Variants in NAV2 observed in about 807,000 individuals in gnomAD.
The protein encoded by NAV2 is helicase, APC down-regulated 1.
In NAV2, 54 loss-of-function variants were observed where a neutral mutation model predicts 223.2. The ratio of observed to expected loss-of-function variants is 0.24; its 90% confidence interval spans 0.19 to 0.30. The LOEUF (loss-of-function observed/expected upper bound fraction) is 0.30. NAV2 is among the 10% of genes least tolerant of loss of function. The pLI is 1.00. For synonymous variants in NAV2, 1,279 were observed against 1,239.3 expected (o/e 1.03, Z -0.67); for missense variants, 2,806 against 3,147.5 (o/e 0.89, Z 2.60).
At chr11:19,621,342 C>G (rs983475036) in intron 1 of NAV2, among the ~76,000 whole-genome samples, 1 of 152,202 alleles carries the variant, frequency 6.6e-6, no homozygotes, top group Non-Finnish European at 1.5e-5. Flanking sequence ...ACCAGCTCCT[C>G]CTTATACCTC....
chr11:19,382,722 A>ATAGAAATGGG, intron 1 of NAV2, among the ~76,000 whole-genome samples: 1 of 152,290 alleles, frequency 6.6e-6, no homozygotes. Context: ...GGTAGAACCC[A>ATAGAAATGGG]TTTCATCCAT....
At chr11:19,703,119 TAATA>T (rs2049557383) in intron 1 of NAV2, among the ~76,000 whole-genome samples, 1 of 148,494 alleles carries the variant, frequency 6.7e-6, no homozygotes, top group Non-Finnish European at 1.5e-5. Context: ...TATATATAAA[TAATA>T]AAGAAAATAA....
At chr11:19,556,832 A>G (rs2044909868) in intron 1 of NAV2, among the ~76,000 whole-genome samples, 1 of 152,232 alleles carries the variant, frequency 6.6e-6, no homozygotes, top group Admixed American at 6.5e-5. Flanking sequence ...ATTTGAAGCC[A>G]AAATTCATAA....
At chr11:19,897,553 A>C (rs1255794519) in intron 6 of NAV2, among the ~76,000 whole-genome samples, 1 of 152,148 alleles carries the variant, frequency 6.6e-6, no homozygotes, top group Non-Finnish European at 1.5e-5. Flanking sequence ...ACATGAAGCT[A>C]AAGAAAAAGT....
At position 19,448,837 on chromosome 11, in the gene NAV2, T is replaced by G. The variant is rs117199252; in HGVS notation, c.75+97810T>G. Among the ~76,000 whole-genome samples, 773 of 152,300 alleles carry G rather than the reference T, an allele frequency of 5.1e-3. 6 individuals carry two copies. The highest frequency in any genetic ancestry group is 7.9e-3 in the Non-Finnish European group (540 of 68,020). On this transcript the variant is annotated intron_variant, in intron 1 of 37. Coordinates refer to the NAV2 transcript ENST00000360655. ...AGTGATTAGTTTGATAAATAAAGACTCTTTGGCAATGAAGTTATGGTCTGT... is the reference window on the plus strand; with the variant it reads ...AGTGATTAGTTTGATAAATAAAGACGCTTTGGCAATGAAGTTATGGTCTGT...
At chr11:19,786,815 C>A (rs138835568) in intron 1 of NAV2, among the ~76,000 whole-genome samples, 1 of 152,162 alleles carries the variant, frequency 6.6e-6, no homozygotes, top group African/African-American at 2.4e-5. Context: ...GACACTTCTA[C>A]AAATTACCCA....
intron 1 of NAV2, among the ~76,000 whole-genome samples, chr11:19,636,300 C>T (rs117881519): frequency 0.012 from 1,832 of 152,236 alleles, 20 homozygotes; most frequent in Non-Finnish European, 0.018. Flanking sequence ...TTCCTTATCC[C>T]TACAAAGCGG....
chr11:20,055,416 T>C (rs1564944890), intron 18 of NAV2, among the ~76,000 whole-genome samples: 1 of 152,190 alleles, frequency 6.6e-6, no homozygotes, highest in Non-Finnish European at 1.5e-5. Flanking sequence ...TCCCATCTGA[T>C]CAAAAGCCTG....
chr11:20,024,393 AGGCCAGTGACCTT>A (rs1163483307), intron 11 of NAV2, among the ~76,000 whole-genome samples: 3 of 152,178 alleles, frequency 2.0e-5, no homozygotes, highest in Non-Finnish European at 4.4e-5. Flanking sequence ...AAATCAGGAA[AGGCCAGTGACCTT>A]GGAGCTGGCC....
At chr11:19,811,138 CT>C (rs1461165725) in intron 1 of NAV2, among the ~76,000 whole-genome samples, 1 of 152,186 alleles carries the variant, frequency 6.6e-6, no homozygotes, top group Non-Finnish European at 1.5e-5. Context: ...TGTCTAGTTG[CT>C]TTCTAAATAT....
At chr11:19,865,535 G>A (rs192150294) in intron 3 of NAV2, among the ~76,000 whole-genome samples, 2 of 152,276 alleles carry the variant, frequency 1.3e-5, no homozygotes, top group African/African-American at 4.8e-5. Context: ...ATGAAAGAGC[G>A]TGGGTCTCGG....
At chr11:19,477,895 C>A (rs770206016) in intron 1 of NAV2, among the ~76,000 whole-genome samples, 3 of 152,140 alleles carry the variant, frequency 2.0e-5, no homozygotes, top group Non-Finnish European at 4.4e-5. Flanking sequence ...AAATTCTATA[C>A]CCTGGGTGGC....
intron 3 of NAV2, among the ~76,000 whole-genome samples, chr11:19,867,732 A>G (rs1201596796): frequency 6.6e-6 from 1 of 152,214 alleles, no homozygotes; most frequent in Non-Finnish European, 1.5e-5. Context: ...TAGAGTGTAT[A>G]TTATGGGTGC....
intron 1 of NAV2, among the ~76,000 whole-genome samples, chr11:19,615,087 T>G (rs1419389796): frequency 5.3e-5 from 8 of 152,112 alleles, no homozygotes; most frequent in Admixed American, 5.2e-4. Flanking sequence ...ACTTTATACC[T>G]ATTGCCTGAG....
At chr11:20,100,834 G>A (rs1444836866) in intron 31 of NAV2, 103 bp from the exon 32 acceptor site, 25 of 924,768 alleles carry the variant, frequency 2.7e-5, no homozygotes, top group Admixed American at 1.2e-4. Context: ...GTGGACTGCC[G>A]AGGAGAGGAA....
chr11:19,769,335 T>G (rs1397964904), intron 1 of NAV2, among the ~76,000 whole-genome samples: 1 of 152,204 alleles, frequency 6.6e-6, no homozygotes, highest in Non-Finnish European at 1.5e-5. Flanking sequence ...CAATGCAATG[T>G]CATGGACCTG....
chr11:19,910,588 G>T (rs2043222766), intron 6 of NAV2, among the ~76,000 whole-genome samples: 1 of 152,218 alleles, frequency 6.6e-6, no homozygotes, highest in South Asian at 2.1e-4. Context: ...GCCAGGCGCG[G>T]TGGCTTATGC....
Position 19,846,288 on chromosome 11 carries a change from G to T in NAV2, c.438+3365G>T, listed in dbSNP as rs115362955. ...ACCAAATTGCCATGAACTGTGTCTGGTGAGGCTCTTCTAGCCTCTGGGCAG... is the reference window on the plus strand; with the variant it reads ...ACCAAATTGCCATGAACTGTGTCTGTTGAGGCTCTTCTAGCCTCTGGGCAG... On this transcript the variant is annotated intron_variant, in intron 3 of 37. Transcript: ENST00000349880. Among the ~76,000 whole-genome samples the T allele has an allele frequency of 7.8e-3, 1,192 of 152,242 alleles. 6 individuals are homozygous for T. The highest frequency in any genetic ancestry group is 0.011 in the Non-Finnish European group (726 of 68,014).
At chr11:19,572,060 A>G (rs886723081) in intron 1 of NAV2, among the ~76,000 whole-genome samples, 3 of 152,202 alleles carry the variant, frequency 2.0e-5, no homozygotes, top group Non-Finnish European at 4.4e-5. Flanking sequence ...GGGCAGGACC[A>G]CAGGACAACA....
Sources: gnomAD v4.1 joint callset for allele counts (sites outside exome capture counted in the v4.1 genomes callset) on GRCh38, gnomAD v4.1.1 for gene constraint, MANE v1.5 for transcripts, NCBI Gene and HGNC (gene_info 2026-07-23, HGNC 2026-07-21) for gene names.